ZNF675: variants seen among roughly 807,000 people sequenced by gnomAD.
The protein encoded by ZNF675 is TRAF6 inhibitory zinc finger.
In ZNF675, 36 loss-of-function variants were observed where a neutral mutation model predicts 56.1. The observed-to-expected ratio is 0.64, with a 90% CI of 0.49 to 0.85. The LOEUF is 0.85. Among genes scored for constraint, ZNF675 ranks in the 40% least tolerant of loss-of-function variants. ZNF675 has a pLI of 0.00. For synonymous variants in ZNF675, 200 were observed against 218.9 expected (o/e 0.91, Z 0.76); for missense variants, 663 against 654.2 (o/e 1.01, Z -0.15).
intron 1 of ZNF675, among the ~76,000 whole-genome samples, chr19:23,683,882 T>C (rs185005840): frequency 4.6e-5 from 7 of 152,256 alleles, no homozygotes; most frequent in African/African-American, 1.7e-4. Flanking sequence ...ATTTTTTTTT[T>C]CTGAAACCCA....
In ZNF675 at chr19:23,653,548, A is replaced by C. The variant is rs879063224; in HGVS notation, c.1385T>G (p.Ile462Ser). The C allele has an allele frequency of 6.2e-7, 1 of 1,604,682 alleles. No homozygotes were observed. Among genetic ancestry groups the C allele is most frequent in the Non-Finnish European group, 8.5e-7 (1 of 1,177,162 alleles). Residue 462 changes from isoleucine (I) to serine (S), a missense_variant, in exon 4 of 4, where the codon ATC (isoleucine) becomes AGC (serine). Coordinates refer to ENST00000359788, the MANE Select transcript of ZNF675 (RefSeq NM_138330.3). Reference sequence around the variant, plus strand: ...ATGTTCAGTAAGTTTTGAGGATTGGATAAAAGCTTTGCCACATTCTTCACA... The same window carrying C: ...ATGTTCAGTAAGTTTTGAGGATTGGCTAAAAGCTTTGCCACATTCTTCACA... ...YKCEECGKAF[I>S]QSSKLTEHKK...
Position 23,654,421 on chromosome 19 carries a change from G to C in ZNF675, c.512C>G (p.Pro171Arg). The C allele has an allele frequency of 1.9e-6, 3 of 1,610,024 alleles. No homozygotes were observed. The highest frequency in any genetic ancestry group is 2.2e-5 in the South Asian group (2 of 90,578). ...TCTGCCACATTCTTTACATTTGAAA[G>C]GTTTATTTTCCATATGTTTTATCTT... ...RHKIKHMENK[P>R]FKCKECGRSF... Residue 171 changes from proline (P) to arginine (R), a missense_variant, in exon 4 of 4, where the codon CCT becomes CGT. Transcript: ENST00000359788.
chr19:23,678,127 A>C (rs1292978316), intron 1 of ZNF675, among the ~76,000 whole-genome samples: 2 of 151,778 alleles, frequency 1.3e-5, no homozygotes, highest in Admixed American at 1.3e-4. Context: ...CTTGGGGGGA[A>C]AAAAAGTCAG....
In ZNF675 at chr19:23,679,993, C is replaced by A. The variant is rs146109974; in HGVS notation, c.3+7038G>T. Among the ~76,000 whole-genome samples the A allele has an allele frequency of 5.4e-5, 8 of 148,608 alleles. No individual in the cohort carries two copies. In the East Asian group the frequency reaches 1.6e-3, roughly 30 times the overall value. On this transcript the variant is annotated intron_variant, in intron 1 of 3. Coordinates refer to ENST00000359788, the MANE Select transcript of ZNF675 (RefSeq NM_138330.3). ...CAACAAGAGCGAGACTCCGTACCCCCCCCCAAAAAAAAACATTAATAAAAA... is the reference window on the plus strand; with the variant it reads ...CAACAAGAGCGAGACTCCGTACCCCACCCCAAAAAAAAACATTAATAAAAA...
rs571781176 is a variant in ZNF675, at chr19:23,660,658, TAC to T, written c.226+1454_226+1455del. Among the ~76,000 whole-genome samples the T allele has an allele frequency of 7.2e-4, 110 of 152,252 alleles. No homozygotes were observed. In the South Asian group the frequency reaches 0.022, roughly 31 times the overall value. ...TTTAACCAAGGAGGTACAAAATCTT[TAC>T]AGTGAGAGATATCAGTGAAAGATAT... is the stretch of plus-strand genomic sequence containing the variant. On this transcript the variant is annotated intron_variant, in intron 3 of 3. Coordinates refer to ENST00000359788, the MANE Select transcript of ZNF675 (RefSeq NM_138330.3).
rs778263095 is a variant in ZNF675, at chr19:23,675,954, G to A, written c.3+11077C>T. ...ACTCAGTAAGATAAATAAACCACTAGCTAGATTAATGAAAAAAAGAGAAGA... is the reference window on the plus strand; with the variant it reads ...ACTCAGTAAGATAAATAAACCACTAACTAGATTAATGAAAAAAAGAGAAGA... On this transcript the variant is annotated intron_variant, in intron 1 of 3. Coordinates refer to ENST00000359788, the MANE Select transcript of ZNF675 (RefSeq NM_138330.3). Among the ~76,000 whole-genome samples, 33 of 123,848 alleles carry A rather than the reference G, an allele frequency of 2.7e-4. 1 individual carries two copies. The Admixed American group carries it at 3.0e-3, about 11-fold the overall frequency. The allele number at this position is 123,848 out of a possible 152,430, so 81.2% of individuals were successfully genotyped here. A position where few individuals can be genotyped will look rare whatever the true frequency, so the allele number is the denominator to read the frequency against.
At chr19:23,673,352 G>A (rs1228114602) in intron 1 of ZNF675, among the ~76,000 whole-genome samples, 2 of 152,156 alleles carry the variant, frequency 1.3e-5, no homozygotes, top group African/African-American at 4.8e-5. Flanking sequence ...GGGCCCCATG[G>A]TCTCTAAATC....
At chr19:23,666,673 G>T (rs10854072) in intron 1 of ZNF675, among the ~76,000 whole-genome samples, 147,924 of 152,268 alleles carry the variant, frequency 0.97, 72,016 homozygotes, top group Middle Eastern at 1. Context: ...CCCTCTACTG[G>T]TAACTTATTT....
intron 1 of ZNF675, among the ~76,000 whole-genome samples, chr19:23,666,104 G>C (rs1040292497): frequency 6.6e-6 from 1 of 152,174 alleles, no homozygotes. Context: ...ATTTCACACC[G>C]AATTCCTAGA....
Position 23,661,132 on chromosome 19 carries a change from T to A in ZNF675, c.226+982A>T, listed in dbSNP as rs377664738. On this transcript the variant is annotated intron_variant, in intron 3 of 3. Transcript: ENST00000359788. ...TTTTAGTAGACACCGGGTTTCACCA[T>A]GTTAGCCAGGTTTCCAAACTGCTGA... Among the ~76,000 whole-genome samples the A allele has an allele frequency of 6.6e-5, 10 of 152,126 alleles. No individual in the cohort carries two copies. In the South Asian group the frequency reaches 1.7e-3, roughly 25 times the overall value.
intron 1 of ZNF675, among the ~76,000 whole-genome samples, chr19:23,666,857 C>T (rs1269351491): frequency 6.6e-6 from 1 of 152,072 alleles, no homozygotes; most frequent in African/African-American, 2.4e-5. Flanking sequence ...AAGGTTTCCA[C>T]GTGCAAGTGC....
intron 3 of ZNF675, chr19:23,656,589 T>A (rs913070232): frequency 6.8e-6 from 1 of 147,632 alleles, no homozygotes; most frequent in Non-Finnish European, 1.5e-5. Flanking sequence ...AAAATGGGAC[T>A]CCATCTCAAA....
chr19:23,654,833 T>C, intron 3 of ZNF675, 127 bp from the exon 4 acceptor site: 1 of 610,402 alleles, frequency 1.6e-6, no homozygotes, highest in Non-Finnish European at 2.6e-6. Flanking sequence ...AGTGTATGTG[T>C]TGCCCCAGGT....
At chr19:23,677,973 A>AGT (rs35221582) in intron 1 of ZNF675, among the ~76,000 whole-genome samples, 146,697 of 151,178 alleles carry the variant, frequency 0.97, 71,484 homozygotes, top group Middle Eastern at 1. Flanking sequence ...ATACAAAATT[A>AGT]GCACGGGGTG....
intron 2 of ZNF675, among the ~76,000 whole-genome samples, 153 bp from the exon 3 acceptor site, chr19:23,662,362 A>G (rs115136715): frequency 2.0e-5 from 3 of 152,356 alleles, no homozygotes; most frequent in Admixed American, 2.0e-4. Context: ...TACTTAGAAA[A>G]TATTCTAAAT....
intron 1 of ZNF675, among the ~76,000 whole-genome samples, chr19:23,665,639 G>A (rs1183025774): frequency 6.6e-6 from 1 of 151,952 alleles, no homozygotes; most frequent in Non-Finnish European, 1.5e-5. Context: ...GATAACACAG[G>A]CGCCTGCCAC....
chr19:23,672,561 C>G (rs1014454850), intron 1 of ZNF675, among the ~76,000 whole-genome samples: 1 of 152,214 alleles, frequency 6.6e-6, no homozygotes, highest in African/African-American at 2.4e-5. Flanking sequence ...CTAACCTTGA[C>G]TTGTGAATCC....
chr19:23,683,352 A>C (rs184762798), intron 1 of ZNF675, among the ~76,000 whole-genome samples: 1 of 151,932 alleles, frequency 6.6e-6, no homozygotes, highest in Non-Finnish European at 1.5e-5. Context: ...AAAAAGAGGA[A>C]CTATGTTTTC....
At chr19:23,665,488 T>TG (rs1330664993) in intron 1 of ZNF675, among the ~76,000 whole-genome samples, 2 of 152,040 alleles carry the variant, frequency 1.3e-5, no homozygotes, top group African/African-American at 4.8e-5. Flanking sequence ...GTGGTTTTTT[T>TG]GTTCTTTGGG....
Sources: gnomAD v4.1 joint callset for allele counts (sites outside exome capture counted in the v4.1 genomes callset) on GRCh38, gnomAD v4.1.1 for gene constraint, MANE v1.5 for transcripts, NCBI Gene and HGNC (gene_info 2026-07-23, HGNC 2026-07-21) for gene names.